The following WDFY4 variants were observed in gnomAD, a reference collection of about 807,000 sequenced individuals.
WDFY4 encodes WD repeat- and FYVE domain-containing protein 4.
In WDFY4, 169 loss-of-function variants were observed where a neutral mutation model predicts 351.9. The ratio of observed to expected loss-of-function variants is 0.48; its 90% CI spans 0.42 to 0.55. WDFY4 has a LOEUF of 0.55. Ranked by LOEUF, WDFY4 falls within the 20% of genes least tolerant of loss-of-function variation. WDFY4 has a pLI of 0.00. For missense variants in WDFY4, 3,803 were observed against 3,935.6 expected (o/e 0.97, Z 0.90); for synonymous variants, 1,622 against 1,574.6 (o/e 1.03, Z -0.71).
chr10:48,685,797 T>G (rs999459575), intron 1 of WDFY4, among the ~76,000 whole-genome samples: 2 of 152,118 alleles, frequency 1.3e-5, no homozygotes, highest in Non-Finnish European at 2.9e-5. Flanking sequence ...TTATGTATAG[T>G]CATTCATTTA....
chr10:48,879,238 C>T (rs1226810872), intron 43 of WDFY4, among the ~76,000 whole-genome samples: 1 of 152,206 alleles, frequency 6.6e-6, no homozygotes, highest in East Asian at 1.9e-4. Flanking sequence ...ACAAGGAACC[C>T]TTGCCAATGT....
intron 43 of WDFY4, among the ~76,000 whole-genome samples, chr10:48,887,807 A>C (rs562595516): frequency 6.6e-6 from 1 of 151,534 alleles, no homozygotes; most frequent in South Asian, 2.1e-4. Flanking sequence ...TATGCTTCAG[A>C]TTTACTTGTG....
intron 35 of WDFY4, among the ~76,000 whole-genome samples, chr10:48,824,409 A>G (rs1471222630): frequency 6.6e-6 from 1 of 152,236 alleles, no homozygotes; most frequent in Non-Finnish European, 1.5e-5. Flanking sequence ...CTATTTTTTA[A>G]ATTAGATACT....
At chr10:48,792,440 A>C (rs1330508985) in intron 23 of WDFY4, among the ~76,000 whole-genome samples, 1 of 152,218 alleles carries the variant, frequency 6.6e-6, no homozygotes, top group Non-Finnish European at 1.5e-5. Flanking sequence ...TGACACCATG[A>C]AGACACTCAG....
intron 51 of WDFY4, among the ~76,000 whole-genome samples, chr10:48,956,779 G>C (rs981482457): frequency 6.6e-6 from 1 of 152,180 alleles, no homozygotes; most frequent in Non-Finnish European, 1.5e-5. Flanking sequence ...GCTGCCTCTT[G>C]TTGAGCACCT....
chr10:48,936,180 A>T (rs1230962590), intron 47 of WDFY4, among the ~76,000 whole-genome samples: 1 of 152,118 alleles, frequency 6.6e-6, no homozygotes, highest in Non-Finnish European at 1.5e-5. Flanking sequence ...AGCAAAATAA[A>T]ATGACTTCAA....
intron 43 of WDFY4, among the ~76,000 whole-genome samples, chr10:48,881,281 G>T (rs78924519): frequency 4.6e-5 from 7 of 152,394 alleles, no homozygotes; most frequent in African/African-American, 1.7e-4. Flanking sequence ...GCCGTGTCAA[G>T]GGAAGGATGA....
At chr10:48,929,580 C>T (rs1025610906) in intron 47 of WDFY4, among the ~76,000 whole-genome samples, 1 of 152,238 alleles carries the variant, frequency 6.6e-6, no homozygotes, top group Non-Finnish European at 1.5e-5. Context: ...TACACTCACT[C>T]TCCTGGTAAG....
At chr10:48,807,467 A>C (rs2067297427) in intron 27 of WDFY4, among the ~76,000 whole-genome samples, 1 of 152,230 alleles carries the variant, frequency 6.6e-6, no homozygotes, top group Non-Finnish European at 1.5e-5. Flanking sequence ...AGCAGGAACA[A>C]AGAGAACAAA....
At chr10:48,925,227 C>T (rs933496868) in intron 47 of WDFY4, among the ~76,000 whole-genome samples, 1 of 152,218 alleles carries the variant, frequency 6.6e-6, no homozygotes, top group Non-Finnish European at 1.5e-5. Context: ...CTGTGACCTC[C>T]CGAGTGGCTT....
chr10:48,721,676 C>T (rs150930972), intron 4 of WDFY4, among the ~76,000 whole-genome samples: 3 of 152,222 alleles, frequency 2.0e-5, no homozygotes, highest in African/African-American at 4.8e-5. Context: ...GGATTGATAA[C>T]GGCTGATGTT....
At chr10:48,818,983 A>G (rs185161781) in intron 32 of WDFY4, among the ~76,000 whole-genome samples, 17 of 152,300 alleles carry the variant, frequency 1.1e-4, no homozygotes, top group African/African-American at 4.1e-4. Flanking sequence ...GCGGCCTAAC[A>G]TTCTCTACCC....
intron 56 of WDFY4, among the ~76,000 whole-genome samples, chr10:48,969,579 T>C (rs1842245393): frequency 6.6e-6 from 1 of 152,132 alleles, no homozygotes; most frequent in South Asian, 2.1e-4. Flanking sequence ...TTTCCAATCA[T>C]GATTTAAACT....
intron 57 of WDFY4, among the ~76,000 whole-genome samples, chr10:48,974,602 C>T (rs1247232200): frequency 1.3e-5 from 2 of 148,686 alleles, no homozygotes; most frequent in Non-Finnish European, 1.5e-5. Context: ...GTGTGGCTAG[C>T]CTCTGGTTGG....
At chr10:48,962,891 C>G (rs1174264830) in intron 53 of WDFY4, among the ~76,000 whole-genome samples, 1 of 152,166 alleles carries the variant, frequency 6.6e-6, no homozygotes, top group African/African-American at 2.4e-5. Context: ...CTGCATGCCC[C>G]CAGCTAGACA....
At chr10:48,953,068 C>T (rs1032409790) in intron 51 of WDFY4, among the ~76,000 whole-genome samples, 2 of 152,152 alleles carry the variant, frequency 1.3e-5, no homozygotes, top group Non-Finnish European at 2.9e-5. Context: ...CTGTCCTCGC[C>T]ACTGGAAGAT....
chr10:48,971,575 C>T (rs570512395), intron 57 of WDFY4, among the ~76,000 whole-genome samples: 3 of 151,858 alleles, frequency 2.0e-5, no homozygotes, highest in African/African-American at 7.3e-5. Context: ...GGATAATTTT[C>T]ACTGAAACAT....
At chr10:48,955,221 T>C (rs1324856936) in intron 51 of WDFY4, among the ~76,000 whole-genome samples, 1 of 152,220 alleles carries the variant, frequency 6.6e-6, no homozygotes, top group African/African-American at 2.4e-5. Flanking sequence ...TCAATTTAAA[T>C]TTGATGGTGG....
chr10:48,974,750 C>T (rs1842492826), intron 57 of WDFY4, 112 bp from the exon 58 acceptor site: 1 of 1,161,976 alleles, frequency 8.6e-7, no homozygotes, highest in African/African-American at 1.6e-5. Context: ...CACTGACTCA[C>T]TCAGAATCTC....
Sources: gnomAD v4.1 joint callset for allele counts (sites outside exome capture counted in the v4.1 genomes callset) on GRCh38, gnomAD v4.1.1 for gene constraint, MANE v1.5 for transcripts, NCBI Gene and HGNC (gene_info 2026-07-23, HGNC 2026-07-21) for gene names.